The following SPAG16 variants were observed in gnomAD, a reference collection of about 807,000 sequenced individuals.
SPAG16 encodes the protein sperm associated antigen 16.
In SPAG16, 86 loss-of-function variants were observed where a neutral mutation model predicts 80.4. That is an observed-to-expected ratio of 1.07 (90% CI 0.90 to 1.28). The LOEUF (loss-of-function observed/expected upper bound fraction) is 1.28, where lower values mean the gene tolerates loss of function less well. SPAG16 is among the 50% of genes most tolerant of loss of function. The probability of loss-of-function intolerance (pLI) is 0.00; values close to 1 mark genes in which losing one functional copy is unlikely to be tolerated. For synonymous variants in SPAG16, 294 were observed against 265.9 expected (o/e 1.11, Z -1.03); for missense variants, 870 against 765.3 (o/e 1.14, Z -1.61).
At chr2:214,115,095 A>T (rs971163429) in intron 14 of SPAG16, among the ~76,000 whole-genome samples, 21 of 152,218 alleles carry the variant, frequency 1.4e-4, no homozygotes, top group African/African-American at 4.1e-4. Context: ...TAATATTTTT[A>T]AAAAATAATG....
chr2:213,749,240 ATTATAT>A (rs1394595410), intron 10 of SPAG16, among the ~76,000 whole-genome samples: 4 of 152,108 alleles, frequency 2.6e-5, no homozygotes, highest in Admixed American at 6.5e-5. Flanking sequence ...TTCTTTTGCT[ATTATAT>A]TTATATTTAT....
At chr2:214,293,222 T>C (rs756580361) in intron 15 of SPAG16, among the ~76,000 whole-genome samples, 7 of 152,188 alleles carry the variant, frequency 4.6e-5, no homozygotes, top group Non-Finnish European at 8.8e-5. Context: ...TGGTGTGGTG[T>C]GCATAATGGC....
At chr2:214,345,148 AC>A (rs1697974206) in intron 15 of SPAG16, among the ~76,000 whole-genome samples, 1 of 152,090 alleles carries the variant, frequency 6.6e-6, no homozygotes, top group South Asian at 2.1e-4. Flanking sequence ...TGCTTCCCTA[AC>A]CCAGTCTTCC....
At chr2:214,044,207 A>G (rs1312785298) in intron 13 of SPAG16, among the ~76,000 whole-genome samples, 1 of 152,182 alleles carries the variant, frequency 6.6e-6, no homozygotes, top group African/African-American at 2.4e-5. Context: ...CATATGCATT[A>G]TTTTTAATTT....
chr2:213,677,133 G>T (rs2064124887), intron 10 of SPAG16, among the ~76,000 whole-genome samples: 1 of 151,968 alleles, frequency 6.6e-6, no homozygotes, highest in Non-Finnish European at 1.5e-5. Context: ...GTCGAGGAAA[G>T]GAACAACCGG....
intron 14 of SPAG16, among the ~76,000 whole-genome samples, chr2:214,118,272 A>G (rs2054041349): frequency 6.6e-6 from 1 of 152,224 alleles, no homozygotes; most frequent in Non-Finnish European, 1.5e-5. Context: ...ATAAGTTTAA[A>G]CAAAAACATG....
chr2:213,548,474 G>A (rs1189027382), intron 10 of SPAG16, among the ~76,000 whole-genome samples: 2 of 152,328 alleles, frequency 1.3e-5, no homozygotes, highest in Admixed American at 1.3e-4. Context: ...GCCTTCCAAA[G>A]TGCTGGGATT....
intron 15 of SPAG16, chr2:214,239,376 C>G (rs1386682006): frequency 2.0e-5 from 3 of 152,020 alleles, no homozygotes; most frequent in African/African-American, 4.8e-5. Flanking sequence ...GTTGTTGTAC[C>G]ACAGATCTCT....
intron 10 of SPAG16, among the ~76,000 whole-genome samples, chr2:213,804,965 A>C (rs1338659225): frequency 6.6e-6 from 1 of 152,212 alleles, no homozygotes; most frequent in Non-Finnish European, 1.5e-5. Context: ...GAAGGGAAGA[A>C]CATAATGAGA....
intron 14 of SPAG16, among the ~76,000 whole-genome samples, chr2:214,121,294 A>G (rs898780447): frequency 4.0e-5 from 6 of 151,884 alleles, no homozygotes; most frequent in African/African-American, 1.4e-4. Flanking sequence ...GATCTTATTT[A>G]TTTCAACTTG....
chr2:213,696,880 T>C lies in SPAG16; in HGVS notation c.1071-165605T>C, dbSNP rs137885774. On this transcript the variant is annotated intron_variant, in intron 10 of 15. Coordinates refer to ENST00000331683, the MANE Select transcript of SPAG16 (RefSeq NM_024532.5). ...CATGAAAGGAGACCAAGAAGAGAAA[T>C]AGTAGCTGGAAGAGAATGTGGGCTA... Among the ~76,000 whole-genome samples, 25 of 152,176 alleles carry C rather than the reference T, an allele frequency of 1.6e-4. No individual in the cohort carries two copies. The East Asian group carries it at 1.9e-3, about 12-fold the overall frequency.
chr2:214,139,879 T>C (rs1435470247), intron 14 of SPAG16, among the ~76,000 whole-genome samples: 1 of 152,220 alleles, frequency 6.6e-6, no homozygotes, highest in Admixed American at 6.5e-5. Context: ...GCATTTGTTT[T>C]TACTGAGTCC....
intron 14 of SPAG16, among the ~76,000 whole-genome samples, chr2:214,117,440 AAT>A (rs2125442546): frequency 6.6e-6 from 1 of 152,312 alleles, no homozygotes; most frequent in Non-Finnish European, 1.5e-5. Flanking sequence ...AGCTAATACC[AAT>A]GTTTCTCAAA....
intron 10 of SPAG16, among the ~76,000 whole-genome samples, chr2:213,579,182 T>A (rs1658441271): frequency 6.6e-6 from 1 of 152,166 alleles, no homozygotes; most frequent in African/African-American, 2.4e-5. Context: ...GTTTATTGTA[T>A]AAATTCATCT....
intron 11 of SPAG16, among the ~76,000 whole-genome samples, chr2:213,878,845 C>G (rs1477710556): frequency 6.6e-6 from 1 of 151,994 alleles, no homozygotes; most frequent in Non-Finnish European, 1.5e-5. Context: ...GATAGGGGTC[C>G]AGCTTTATTC....
chr2:213,414,548 G>A (rs887079658), intron 9 of SPAG16, among the ~76,000 whole-genome samples: 2 of 152,064 alleles, frequency 1.3e-5, no homozygotes, highest in African/African-American at 4.8e-5. Context: ...ACAGGAAAAT[G>A]AATATAAAAA....
intron 15 of SPAG16, among the ~76,000 whole-genome samples, chr2:214,262,531 A>G (rs546866246): frequency 6.6e-6 from 1 of 152,128 alleles, no homozygotes; most frequent in Non-Finnish European, 1.5e-5. Flanking sequence ...TATAGCTTCC[A>G]TGCTACACAC....
intron 10 of SPAG16, among the ~76,000 whole-genome samples, chr2:213,743,725 C>T (rs144110193): frequency 6.6e-4 from 100 of 152,004 alleles, no homozygotes; most frequent in African/African-American, 8.4e-4. Flanking sequence ...GTATTTGTTG[C>T]GCATTTCTTT....
At chr2:213,444,952 C>T (rs1340469789) in intron 9 of SPAG16, among the ~76,000 whole-genome samples, 1 of 152,100 alleles carries the variant, frequency 6.6e-6, no homozygotes, top group East Asian at 1.9e-4. Context: ...CATTTACAGT[C>T]AACTCCTTTT....
Sources: allele counts gnomAD v4.1 joint callset (sites outside exome capture counted in the v4.1 genomes callset), GRCh38; gene constraint gnomAD v4.1.1; transcripts MANE v1.5; gene names NCBI Gene and HGNC (gene_info 2026-07-23, HGNC 2026-07-21).